The following MAGI2 variants were observed in gnomAD, a reference collection of about 807,000 sequenced individuals.
MAGI2 encodes membrane-associated guanylate kinase, WW and PDZ domain-containing protein 2.
MAGI2 carries 35 observed loss-of-function variants against 133.3 expected under a neutral mutation model. That is an observed-to-expected ratio of 0.26 (90% CI 0.20 to 0.35). The LOEUF is 0.35. Among genes scored for constraint, MAGI2 ranks in the 10% least tolerant of loss-of-function variants. The probability of loss-of-function intolerance (pLI) is 1.00; values close to 1 mark genes in which losing one functional copy is unlikely to be tolerated. For synonymous variants in MAGI2, 729 were observed against 710.6 expected, an observed-to-expected ratio of 1.03 and a Z score of -0.41; for missense variants, 1,636 against 1,863.4, an observed-to-expected ratio of 0.88 and a Z score of 2.25.
chr7:79,395,137 A>C (rs1447971685), intron 1 of MAGI2, among the ~76,000 whole-genome samples: 1 of 152,214 alleles, frequency 6.6e-6, no homozygotes, highest in African/African-American at 2.4e-5. Flanking sequence ...AATAAGCCCA[A>C]AGTTTAAAGA....
chr7:78,131,903 T>G (rs899682771), intron 18 of MAGI2, among the ~76,000 whole-genome samples: 3 of 152,196 alleles, frequency 2.0e-5, no homozygotes, highest in Admixed American at 1.3e-4. Context: ...AGACAGAGTC[T>G]CACTCTGTCA....
intron 2 of MAGI2, among the ~76,000 whole-genome samples, chr7:78,688,333 TAAAGG>T (rs1025873838): frequency 1.3e-5 from 2 of 152,186 alleles, no homozygotes; most frequent in African/African-American, 4.8e-5. Flanking sequence ...CTCACTACGA[TAAAGG>T]AAAGGACCAA....
intron 2 of MAGI2, among the ~76,000 whole-genome samples, chr7:78,806,653 C>G (rs956583187): frequency 6.6e-6 from 1 of 151,760 alleles, no homozygotes; most frequent in African/African-American, 2.4e-5. Context: ...ATTGCGTGAG[C>G]CCCCAGGAGT....
intron 3 of MAGI2, among the ~76,000 whole-genome samples, chr7:78,574,719 G>T (rs574023892): frequency 6.6e-6 from 1 of 152,250 alleles, no homozygotes; most frequent in South Asian, 2.1e-4. Flanking sequence ...TAGAATTATA[G>T]TCCTCACCAC....
chr7:78,951,391 G>T (rs899466569), intron 2 of MAGI2, among the ~76,000 whole-genome samples: 1 of 152,132 alleles, frequency 6.6e-6, no homozygotes, highest in Non-Finnish European at 1.5e-5. Context: ...CTGCATGGCT[G>T]GGGAGGTCTC....
chr7:79,257,448 A>G (rs2129556143), intron 1 of MAGI2, among the ~76,000 whole-genome samples: 1 of 152,332 alleles, frequency 6.6e-6, no homozygotes, highest in African/African-American at 2.4e-5. Context: ...TAGGATTTAG[A>G]GAAAATGTAA....
chr7:78,049,944 G>A (rs780302916), intron 21 of MAGI2, among the ~76,000 whole-genome samples: 11 of 152,136 alleles, frequency 7.2e-5, no homozygotes, highest in African/African-American at 7.2e-5. Context: ...ATTTGTACTC[G>A]TGGCAATGAA....
chr7:79,324,837 T>C (rs141648468), intron 1 of MAGI2, among the ~76,000 whole-genome samples: 1 of 149,558 alleles, frequency 6.7e-6, no homozygotes, highest in Non-Finnish European at 1.5e-5. Flanking sequence ...AGGTTACAAG[T>C]CTACTCGTCC....
At chr7:78,456,687 G>T (rs1356102892) in intron 6 of MAGI2, among the ~76,000 whole-genome samples, 1 of 152,164 alleles carries the variant, frequency 6.6e-6, no homozygotes. Flanking sequence ...TTTCAGAGGA[G>T]GGTGTGATGA....
intron 1 of MAGI2, among the ~76,000 whole-genome samples, chr7:79,402,806 T>G (rs1845560994): frequency 6.6e-6 from 1 of 152,066 alleles, no homozygotes; most frequent in African/African-American, 2.4e-5. Context: ...TAAGAAAATG[T>G]TTTCAGTGTC....
chr7:78,133,195 T>C (rs1300023993), intron 17 of MAGI2, 135 bp from the exon 18 acceptor site: 4 of 657,306 alleles, frequency 6.1e-6, no homozygotes, highest in Admixed American at 5.5e-5. Context: ...GGTTTTTAGA[T>C]AGCAGGTTAA....
In MAGI2 at chr7:78,832,662, A is replaced by G. The variant is rs151094490; in HGVS notation, c.418+174428T>C. ...TGATACAAGGGGGAACTAGAAGAGT[A>G]AAATGTAAGGAGACCCCTGAAACTA... On this transcript the variant is annotated intron_variant, in intron 2 of 21. Coordinates refer to ENST00000354212, the MANE Select transcript of MAGI2 (RefSeq NM_012301.4). Among the ~76,000 whole-genome samples the G allele has an allele frequency of 9.5e-3, 1,448 of 152,350 alleles. 19 individuals carry two copies. The highest frequency in any genetic ancestry group is 0.022 in the Admixed American group (339 of 15,306).
chr7:78,383,839 A>G (rs1364999504), intron 6 of MAGI2, among the ~76,000 whole-genome samples: 1 of 152,062 alleles, frequency 6.6e-6, no homozygotes, highest in African/African-American at 2.4e-5. Context: ...AGCACTATGT[A>G]TTGAAGAGGG....
chr7:79,248,708 CAA>C (rs995316102), intron 1 of MAGI2, among the ~76,000 whole-genome samples: 41 of 151,824 alleles, frequency 2.7e-4, no homozygotes, highest in South Asian at 2.1e-3. Context: ...AAATCAATGA[CAA>C]GAGGAATTTT....
At chr7:79,446,733 G>A (rs958100862) in intron 1 of MAGI2, among the ~76,000 whole-genome samples, 7 of 152,112 alleles carry the variant, frequency 4.6e-5, no homozygotes, top group Non-Finnish European at 8.8e-5. Context: ...GGTGGATCAC[G>A]AGGTCAGGAG....
At chr7:78,839,635 CT>C (rs929004036) in intron 2 of MAGI2, among the ~76,000 whole-genome samples, 1 of 151,994 alleles carries the variant, frequency 6.6e-6, no homozygotes, top group Non-Finnish European at 1.5e-5. Flanking sequence ...AAAGGAGGAA[CT>C]TCCAAATACT....
chr7:78,895,785 G>C (rs1353893328), intron 2 of MAGI2, among the ~76,000 whole-genome samples: 2 of 152,206 alleles, frequency 1.3e-5, no homozygotes, highest in African/African-American at 4.8e-5. Context: ...CATCACTGTG[G>C]AAATCTCTGT....
chr7:78,355,732 C>T (rs918274930), intron 7 of MAGI2, among the ~76,000 whole-genome samples: 4 of 152,300 alleles, frequency 2.6e-5, no homozygotes, highest in Admixed American at 6.5e-5. Flanking sequence ...TAATCTGCAA[C>T]ACACTTCAGC....
chr7:78,105,281 G>T (rs1350082799), intron 20 of MAGI2, among the ~76,000 whole-genome samples: 1 of 152,162 alleles, frequency 6.6e-6, no homozygotes, highest in African/African-American at 2.4e-5. Flanking sequence ...GTCATTTCCA[G>T]TTTTTTACTG....
Sources: gnomAD v4.1 joint callset for allele counts (sites outside exome capture counted in the v4.1 genomes callset) on GRCh38, gnomAD v4.1.1 for gene constraint, MANE v1.5 for transcripts, NCBI Gene and HGNC (gene_info 2026-07-23, HGNC 2026-07-21) for gene names.